Variants in OLFM2 observed in about 807,000 individuals in gnomAD.
OLFM2 encodes the protein noelin-2.
OLFM2 carries 20 observed loss-of-function variants against 43.9 expected under a neutral mutation model. The ratio of observed to expected loss-of-function variants is 0.46; its 90% CI spans 0.32 to 0.66. The LOEUF is 0.66. Ranked by LOEUF, OLFM2 falls within the 30% of genes least tolerant of loss-of-function variation. OLFM2 has a pLI of 0.04. For synonymous variants in OLFM2, 268 were observed against 278.6 expected, an observed-to-expected ratio of 0.96 and a Z score of 0.38; for missense variants, 416 against 643.6, an observed-to-expected ratio of 0.65 and a Z score of 3.83.
intron 1 of OLFM2, among the ~76,000 whole-genome samples, chr19:9,862,238 T>A (rs998990383): frequency 2.0e-5 from 3 of 151,638 alleles, no homozygotes; most frequent in African/African-American, 7.3e-5. Flanking sequence ...GTGCAGGGAG[T>A]AACAGGGGGT....
intron 2 of OLFM2, among the ~76,000 whole-genome samples, chr19:9,860,025 C>T (rs2046354864): frequency 6.6e-6 from 1 of 152,098 alleles, no homozygotes; most frequent in Non-Finnish European, 1.5e-5. Context: ...GCCTGTAATC[C>T]CAGCTACTCG....
chr19:9,900,972 A>G (rs1450771325), intron 1 of OLFM2, among the ~76,000 whole-genome samples: 3 of 44,138 alleles, frequency 6.8e-5, no homozygotes, highest in African/African-American at 5.3e-4. Context: ...GGAAGGAAGG[A>G]AGGAAGGAAG....
At chr19:9,917,222 G>A (rs1403069773) in intron 1 of OLFM2, among the ~76,000 whole-genome samples, 1 of 152,096 alleles carries the variant, frequency 6.6e-6, no homozygotes, top group Non-Finnish European at 1.5e-5. Context: ...CACCCAGGCT[G>A]GAGTGCAGTG....
At chr19:9,910,918 GGATA>G (rs1287331795) in intron 1 of OLFM2, among the ~76,000 whole-genome samples, 2 of 152,080 alleles carry the variant, frequency 1.3e-5, no homozygotes, top group African/African-American at 4.8e-5. Flanking sequence ...AATAATTGAT[GGATA>G]GATGGACAGA....
chr19:9,903,744 A>G (rs2046760081), intron 1 of OLFM2, among the ~76,000 whole-genome samples: 2 of 152,210 alleles, frequency 1.3e-5, no homozygotes, highest in Non-Finnish European at 2.9e-5. Context: ...TAGCCAGAGA[A>G]TGTCTGGCTA....
intron 1 of OLFM2, among the ~76,000 whole-genome samples, chr19:9,868,069 A>ATTTT (rs59081480): frequency 6.8e-6 from 1 of 147,236 alleles, no homozygotes; most frequent in African/African-American, 2.5e-5. Flanking sequence ...AACCAGGCTA[A>ATTTT]TTTTTTTTTT....
At chr19:9,912,921 T>C (rs902704073) in intron 1 of OLFM2, among the ~76,000 whole-genome samples, 6 of 144,784 alleles carry the variant, frequency 4.1e-5, no homozygotes, top group African/African-American at 1.3e-4. Context: ...CAAGGAAAGA[T>C]AGAAATATTA....
chr19:9,869,589 A>G (rs1257082321), intron 1 of OLFM2, among the ~76,000 whole-genome samples: 1 of 152,190 alleles, frequency 6.6e-6, no homozygotes, highest in African/African-American at 2.4e-5. Flanking sequence ...AGCATGTAGT[A>G]AGAGCTACAC....
intron 1 of OLFM2, among the ~76,000 whole-genome samples, chr19:9,916,128 G>T (rs149112080): frequency 0.014 from 2,167 of 152,304 alleles, 48 homozygotes; most frequent in African/African-American, 0.05. Context: ...AGGCCGAGGA[G>T]GGTGGATCAC....
intron 1 of OLFM2, among the ~76,000 whole-genome samples, chr19:9,912,094 C>T (rs1373230920): frequency 1.3e-5 from 2 of 152,106 alleles, no homozygotes; most frequent in East Asian, 3.8e-4. Context: ...CATAAACTTT[C>T]TCCACTCCCA....
rs2046298132 is a variant in OLFM2 at position 9,854,560 on chromosome 19, C to T, written c.991G>A (p.Gly331Arg). 6.2e-7 allele frequency: 1 copy of T among 1,613,804 alleles called. No homozygotes were observed. The highest frequency in any genetic ancestry group is 1.3e-5 in the African/African-American group (1 of 74,922). Reference protein sequence around the residue: ...SDMDFMVDESGLWAVYTTNQN... With the variant: ...SDMDFMVDESRLWAVYTTNQN... ...TTGGTGGTGTACACAGCCCAGAGCC[C>T]GCTCTCGTCCACCATGAAGTCCATG... The change falls in exon 6 of 6, where the codon GGG becomes AGG. Residue 331 changes from glycine to arginine, a missense_variant. Coordinates refer to ENST00000264833, the MANE Select transcript of OLFM2 (RefSeq NM_058164.4). The surrounding 1 kb of genome is among the most constrained non-coding windows in gnomAD (Gnocchi z 9.5).
chr19:9,932,014 A>C (rs8107198), intron 1 of OLFM2, among the ~76,000 whole-genome samples: 41,912 of 152,068 alleles, frequency 0.28, 6,806 homozygotes, highest in African/African-American at 0.45. Flanking sequence ...TCCATTCAGC[A>C]GATATTTCTT....
Position 9,858,230 on chromosome 19 carries a change from C to CCG in OLFM2, c.214-370_214-369insCG, listed in dbSNP as rs1205435863. ...ATCCTGTGCTGGCTGGTCCTGCCCACCCCCCCCGCCCAACCCACTTCCTCT... is the reference window on the plus strand; with the variant it reads ...ATCCTGTGCTGGCTGGTCCTGCCCACCGCCCCCCCGCCCAACCCACTTCCTCT... On this transcript the variant is annotated intron_variant, in intron 2 of 5. Transcript: ENST00000264833. The CCG allele has an allele frequency of 1.0e-5, 3 of 297,406 alleles. No homozygotes were observed. In the African/African-American group the frequency reaches 1.1e-4, roughly 11 times the overall value. The allele number at this position is 297,406 out of a possible 1,614,324, so 18.4% of individuals were successfully genotyped here. A position where few individuals can be genotyped will look rare whatever the true frequency, so the allele number is the denominator to read the frequency against.
At chr19:9,893,382 C>G (rs913712641) in intron 1 of OLFM2, among the ~76,000 whole-genome samples, 2 of 152,116 alleles carry the variant, frequency 1.3e-5, no homozygotes, top group Admixed American at 1.3e-4. Flanking sequence ...CCAGGGTGGT[C>G]TCGAACTCCC....
chr19:9,935,642 T>C (rs2086510378), intron 1 of OLFM2, among the ~76,000 whole-genome samples: 1 of 152,150 alleles, frequency 6.6e-6, no homozygotes, highest in South Asian at 2.1e-4. Flanking sequence ...CACACACGTA[T>C]TGTACAACAC....
chr19:9,915,206 T>G (rs1028622576), intron 1 of OLFM2, among the ~76,000 whole-genome samples: 1 of 151,192 alleles, frequency 6.6e-6, no homozygotes, highest in Admixed American at 6.6e-5. Context: ...TGCCTGCCTG[T>G]GTGAAATTGA....
chr19:9,901,531 C>T (rs2046739988), intron 1 of OLFM2, among the ~76,000 whole-genome samples: 2 of 152,174 alleles, frequency 1.3e-5, no homozygotes, highest in African/African-American at 4.8e-5. Flanking sequence ...GCTCACTATC[C>T]AGGATGGCCG....
At chr19:9,895,666 C>T (rs1043377653) in intron 1 of OLFM2, among the ~76,000 whole-genome samples, 6 of 152,050 alleles carry the variant, frequency 3.9e-5, no homozygotes, top group Non-Finnish European at 8.8e-5. Flanking sequence ...GACCGAGTCT[C>T]GCTCTGTCGT....
intron 1 of OLFM2, among the ~76,000 whole-genome samples, chr19:9,881,787 T>C (rs1327687654): frequency 2.6e-5 from 4 of 152,038 alleles, no homozygotes; most frequent in Non-Finnish European, 5.9e-5. Flanking sequence ...TGTGAGCTAC[T>C]GCACCCGGAC....
Sources: allele counts gnomAD v4.1 joint callset (sites outside exome capture counted in the v4.1 genomes callset), GRCh38; gene constraint gnomAD v4.1.1; non-coding constraint Gnocchi (gnomAD v3.1); transcripts MANE v1.5; gene names NCBI Gene and HGNC (gene_info 2026-07-23, HGNC 2026-07-21).